Variants in RORA observed in about 807,000 individuals in gnomAD.
The protein encoded by RORA is RAR related orphan receptor A, also known as nuclear receptor ROR-alpha.
Under a neutral mutation model 69.5 loss-of-function variants are expected in RORA, and 7 were observed. The observed-to-expected ratio is 0.10, with a 90% confidence interval of 0.06 to 0.19. The LOEUF (loss-of-function observed/expected upper bound fraction) is 0.19. RORA is among the 10% of genes least tolerant of loss of function. The pLI, the probability that RORA is intolerant of heterozygous loss-of-function variation, is 1.00. For missense variants in RORA, 457 were observed against 663.0 expected (o/e 0.69, Z 3.41); for synonymous variants, 261 against 240.8 (o/e 1.08, Z -0.78).
At chr15:60,975,145 C>T (rs1022169104) in intron 1 of RORA, among the ~76,000 whole-genome samples, 5 of 152,088 alleles carry the variant, frequency 3.3e-5, no homozygotes, top group African/African-American at 9.7e-5. Context: ...GAGTCAAGGG[C>T]GGAAGGGGCC....
Position 60,501,055 on chromosome 15 carries a change from T to G in RORA, c.1198A>C (p.Ile400Leu). 6.3e-7 allele frequency: 1 copy of G among 1,599,914 alleles called. No individual in the cohort carries two copies. Among genetic ancestry groups the G allele is most frequent in the Non-Finnish European group, 8.6e-7 (1 of 1,168,312 alleles). The part of the protein sequence containing the change: ...VFKSLGCEDF[I>L]SFVFEFGKSL... ...TTTCCAAATTCAAACACAAAGCTAA[T>G]AAAGTCTTCACAACCTGCCAAAATG... The change falls in exon 9 of 11, where the codon ATT (isoleucine) becomes CTT (leucine). Residue 400 changes from isoleucine to leucine, a missense_variant. Physicochemically the swap from Ile to Leu is conservative, Grantham distance 5. Transcript: ENST00000335670.
chr15:61,016,219 A>C (rs1895280372), intron 1 of RORA, among the ~76,000 whole-genome samples: 1 of 152,218 alleles, frequency 6.6e-6, no homozygotes, highest in Non-Finnish European at 1.5e-5. Flanking sequence ...ACTCTGCTTC[A>C]TACAGTTCTT....
intron 1 of RORA, among the ~76,000 whole-genome samples, chr15:61,212,268 AGG>A (rs2079999870): frequency 6.6e-6 from 1 of 151,084 alleles, no homozygotes; most frequent in Non-Finnish European, 1.5e-5. Context: ...TAAAAAAAAA[AGG>A]CTGCAACACT....
At chr15:61,156,121 T>C (rs2079439956) in intron 1 of RORA, among the ~76,000 whole-genome samples, 1 of 152,210 alleles carries the variant, frequency 6.6e-6, no homozygotes, top group African/African-American at 2.4e-5. Context: ...GGACTGTTCC[T>C]ACTCTTTACT....
At chr15:60,590,048 C>A (rs2068451802) in intron 2 of RORA, among the ~76,000 whole-genome samples, 2 of 152,208 alleles carry the variant, frequency 1.3e-5, no homozygotes, top group Admixed American at 1.3e-4. Flanking sequence ...CACTTCCCCA[C>A]AAACTATTTT....
intron 2 of RORA, among the ~76,000 whole-genome samples, chr15:60,569,727 A>G (rs186320536): frequency 3.7e-4 from 56 of 152,342 alleles, no homozygotes; most frequent in African/African-American, 1.3e-3. Context: ...GATGAACAAT[A>G]CAAGGGTAAA....
chr15:60,922,186 A>C (rs751392283), intron 1 of RORA, among the ~76,000 whole-genome samples: 26 of 152,206 alleles, frequency 1.7e-4, no homozygotes, highest in Admixed American at 1.0e-3. Context: ...GGAAGGGTGA[A>C]TAGGTGGAGC....
intron 2 of RORA, among the ~76,000 whole-genome samples, chr15:60,670,186 T>G (rs1487939787): frequency 6.7e-6 from 1 of 149,822 alleles, no homozygotes; most frequent in African/African-American, 2.4e-5. Context: ...AACCTTAATC[T>G]AGTATATCCT....
At chr15:60,974,486 G>A (rs1338167660) in intron 1 of RORA, among the ~76,000 whole-genome samples, 1 of 152,168 alleles carries the variant, frequency 6.6e-6, no homozygotes, top group Non-Finnish European at 1.5e-5. Flanking sequence ...GCTAAGGAGA[G>A]TGTGATTAGC....
intron 1 of RORA, among the ~76,000 whole-genome samples, chr15:61,187,796 C>T (rs1237223909): frequency 6.6e-6 from 1 of 152,112 alleles, no homozygotes; most frequent in African/African-American, 2.4e-5. Context: ...TGGTGGCTTC[C>T]CCAGAAGCAC....
At chr15:61,166,364 C>T (rs1368310485) in intron 1 of RORA, among the ~76,000 whole-genome samples, 3 of 152,060 alleles carry the variant, frequency 2.0e-5, no homozygotes, top group Non-Finnish European at 2.9e-5. Context: ...CCCACGTCAG[C>T]CTTGTGAATC....
chr15:60,621,197 C>T (rs1298191214), intron 2 of RORA, among the ~76,000 whole-genome samples: 5 of 138,112 alleles, frequency 3.6e-5, no homozygotes, highest in South Asian at 2.2e-4. Flanking sequence ...GAACTTTCAT[C>T]GAATATATAT....
intron 1 of RORA, among the ~76,000 whole-genome samples, chr15:60,912,913 C>T (rs1411617718): frequency 1.3e-5 from 2 of 152,146 alleles, no homozygotes; most frequent in Admixed American, 6.5e-5. Context: ...ACCACAAAAT[C>T]CACACATTAT....
At chr15:61,004,021 C>T (rs1187976109) in intron 1 of RORA, among the ~76,000 whole-genome samples, 1 of 151,288 alleles carries the variant, frequency 6.6e-6, no homozygotes, top group Non-Finnish European at 1.5e-5. Context: ...GTTTGAGGAA[C>T]AAAACAAGAT....
At chr15:60,549,528 C>T (rs2067170311) in intron 2 of RORA, among the ~76,000 whole-genome samples, 3 of 152,024 alleles carry the variant, frequency 2.0e-5, no homozygotes, top group African/African-American at 7.3e-5. Flanking sequence ...ACATGTTTGT[C>T]ATACTTCTTA....
At chr15:61,097,874 A>C (rs946043101) in intron 1 of RORA, among the ~76,000 whole-genome samples, 1 of 152,168 alleles carries the variant, frequency 6.6e-6, no homozygotes, top group Non-Finnish European at 1.5e-5. Context: ...TTGGCCTTTT[A>C]ATTCCAACTT....
chr15:60,558,399 C>CAA (rs2067433813), intron 2 of RORA: 1 of 742,950 alleles, frequency 1.3e-6, no homozygotes, highest in Non-Finnish European at 2.3e-6. Context: ...AGGAACATCT[C>CAA]ATGACTTTTT....
chr15:60,800,537 C>T (rs921709825), intron 1 of RORA, among the ~76,000 whole-genome samples: 2 of 152,168 alleles, frequency 1.3e-5, no homozygotes, highest in Non-Finnish European at 2.9e-5. Flanking sequence ...AAAAAGAGAA[C>T]CTTCTTGAAG....
intron 1 of RORA, among the ~76,000 whole-genome samples, chr15:61,113,983 A>C (rs1176437841): frequency 6.6e-6 from 1 of 152,214 alleles, no homozygotes; most frequent in East Asian, 1.9e-4. Flanking sequence ...AACATTACTC[A>C]CTACAGCCTA....
Sources: allele counts gnomAD v4.1 joint callset (sites outside exome capture counted in the v4.1 genomes callset), GRCh38; gene constraint gnomAD v4.1.1; transcripts MANE v1.5; gene names NCBI Gene and HGNC (gene_info 2026-07-23, HGNC 2026-07-21).